Variants in STIMATE observed in about 807,000 individuals in gnomAD.
The protein encoded by STIMATE is store-operated calcium entry regulator STIMATE.
Under a neutral mutation model 36.7 loss-of-function variants are expected in STIMATE, and 15 were observed. The observed-to-expected ratio is 0.41, with a 90% CI of 0.27 to 0.63. STIMATE has a LOEUF of 0.63. Among genes scored for constraint, STIMATE ranks in the 20% least tolerant of loss-of-function variants. STIMATE has a pLI of 0.32. For missense variants in STIMATE, 305 were observed against 397.3 expected (o/e 0.77, Z 1.98); for synonymous variants, 163 against 162.3 (o/e 1.00, Z -0.03).
intron 1 of STIMATE, among the ~76,000 whole-genome samples, chr3:52,892,535 G>A (rs1701799855): frequency 6.6e-6 from 1 of 152,198 alleles, no homozygotes; most frequent in African/African-American, 2.4e-5. Flanking sequence ...CACTGATTGA[G>A]TTTGTGCTGG....
intron 7 of STIMATE, 31 bp downstream of exon 7, chr3:52,842,780 T>C: frequency 6.2e-7 from 1 of 1,613,634 alleles, no homozygotes; most frequent in Non-Finnish European, 8.5e-7. Context: ...ATACGACGGC[T>C]TGGGCCCTTG....
chr3:52,894,682 A>G (rs866510048), intron 1 of STIMATE, among the ~76,000 whole-genome samples: 2 of 152,214 alleles, frequency 1.3e-5, no homozygotes, highest in Admixed American at 6.5e-5. Context: ...AGTAAGGAAA[A>G]CTACCTCACA....
At chr3:52,885,445 T>TAAG (rs1701674269) in intron 1 of STIMATE, among the ~76,000 whole-genome samples, 1 of 152,206 alleles carries the variant, frequency 6.6e-6, no homozygotes, top group Non-Finnish European at 1.5e-5. Flanking sequence ...AACCTAATAT[T>TAAG]AAGGCATGAT....
chr3:52,852,826 GGGCCT>G, intron 2 of STIMATE, 128 bp from the exon 3 acceptor site: 1 of 1,163,744 alleles, frequency 8.6e-7, no homozygotes, highest in African/African-American at 1.5e-5. Flanking sequence ...TCTCTTCCTG[GGGCCT>G]TGAGCACTAA....
chr3:52,850,160 C>T (rs1209315630), intron 3 of STIMATE, among the ~76,000 whole-genome samples: 9 of 152,346 alleles, frequency 5.9e-5, no homozygotes, highest in African/African-American at 1.4e-4. Flanking sequence ...TGGCTGCGCG[C>T]GGTGGCTCAC....
intron 2 of STIMATE, among the ~76,000 whole-genome samples, chr3:52,853,493 T>C (rs541171358): frequency 8.5e-5 from 13 of 152,332 alleles, no homozygotes; most frequent in African/African-American, 2.9e-4. Flanking sequence ...TGGTCATGGC[T>C]GTCTCTCACA....
intron 1 of STIMATE, among the ~76,000 whole-genome samples, chr3:52,863,984 C>A (rs187650117): frequency 6.6e-6 from 1 of 152,232 alleles, no homozygotes; most frequent in East Asian, 1.9e-4. Context: ...TGCTTTGATG[C>A]GCTGGCGTTG....
chr3:52,858,835 C>G (rs1055441634), intron 1 of STIMATE, among the ~76,000 whole-genome samples: 1 of 152,088 alleles, frequency 6.6e-6, no homozygotes, highest in African/African-American at 2.4e-5. Context: ...ACAGTACATA[C>G]GTTCAATACA....
At chr3:52,848,862 G>A (rs1312839447) in intron 4 of STIMATE, among the ~76,000 whole-genome samples, 1 of 152,190 alleles carries the variant, frequency 6.6e-6, no homozygotes, top group Non-Finnish European at 1.5e-5. Context: ...GACTCATCAG[G>A]CATCAAGTAC....
Position 52,839,523 on chromosome 3 carries a change from C to G in STIMATE, c.*971G>C, listed in dbSNP as rs1231915772. 6.6e-6 allele frequency: 1 copy of G among 152,230 alleles called. No individual in the cohort carries two copies. The highest frequency in any genetic ancestry group is 1.5e-5 in the Non-Finnish European group (1 of 68,050). 9.4% of individuals were successfully genotyped at this position (152,230 alleles called of 1,614,324 possible). On this transcript the variant is annotated 3_prime_UTR_variant, in exon 8 of 8. Transcript: ENST00000355083. ...TCTTGGTCAAATTTAACTAAGATCT[C>G]TAATCTGCCAGCAGGAATGCTAGAG...
intron 1 of STIMATE, among the ~76,000 whole-genome samples, chr3:52,892,045 C>A (rs946160138): frequency 6.6e-6 from 1 of 152,210 alleles, no homozygotes; most frequent in Non-Finnish European, 1.5e-5. Flanking sequence ...GATGCTGGGT[C>A]AGGCTGGATC....
chr3:52,871,838 C>A (rs1701412999), intron 1 of STIMATE, among the ~76,000 whole-genome samples: 1 of 152,180 alleles, frequency 6.6e-6, no homozygotes, highest in Non-Finnish European at 1.5e-5. Flanking sequence ...AACACACAAA[C>A]ACAACCCCCC....
At chr3:52,859,301 C>T (rs1218392610) in intron 1 of STIMATE, among the ~76,000 whole-genome samples, 3 of 149,714 alleles carry the variant, frequency 2.0e-5, no homozygotes, top group Non-Finnish European at 4.4e-5. Flanking sequence ...TGTTCATGTC[C>T]ACTTTGAATG....
chr3:52,850,239 T>G (rs946364521), intron 3 of STIMATE, among the ~76,000 whole-genome samples: 1 of 152,188 alleles, frequency 6.6e-6, no homozygotes, highest in Non-Finnish European at 1.5e-5. Context: ...GACACCACCC[T>G]GGCTAACACG....
intron 1 of STIMATE, among the ~76,000 whole-genome samples, chr3:52,890,042 C>T (rs1701756841): frequency 6.6e-6 from 1 of 152,174 alleles, no homozygotes; most frequent in Admixed American, 6.5e-5. Context: ...CCCTCCATGT[C>T]GAGAGCCCTT....
rs985391329 is a variant in STIMATE at position 52,885,947 on chromosome 3, C to T, written c.160+11344G>A. 6.6e-5 allele frequency among the ~76,000 whole-genome samples: 10 copies of T among 152,290 alleles called. 1 individual carries two copies. Among genetic ancestry groups the T allele is most frequent in the Admixed American group, 3.3e-4 (5 of 15,296 alleles). ...TTTTGGCCTGTTTTCTGGTTGCTTA[C>T]AGAAGATGGGCAAGTTCTATATCTG... On this transcript the variant is annotated intron_variant, in intron 1 of 7. Transcript: ENST00000355083.
chr3:52,879,162 T>G (rs987946414), intron 1 of STIMATE, among the ~76,000 whole-genome samples: 2 of 152,210 alleles, frequency 1.3e-5, no homozygotes, highest in Non-Finnish European at 2.9e-5. Flanking sequence ...CCCAATGAAG[T>G]TGGCACCCAG....
intron 1 of STIMATE, among the ~76,000 whole-genome samples, chr3:52,868,405 T>C (rs368236524): frequency 9.2e-5 from 14 of 152,350 alleles, no homozygotes; most frequent in African/African-American, 3.4e-4. Context: ...AGGTGATTCT[T>C]ATGGCAGGGA....
chr3:52,888,698 T>C (rs530696201), intron 1 of STIMATE, among the ~76,000 whole-genome samples: 1 of 152,268 alleles, frequency 6.6e-6, no homozygotes, highest in Admixed American at 6.5e-5. Flanking sequence ...GAAAAGCCCA[T>C]GGACTAGACA....
Sources: gnomAD v4.1 joint callset for allele counts (sites outside exome capture counted in the v4.1 genomes callset) on GRCh38, gnomAD v4.1.1 for gene constraint, MANE v1.5 for transcripts, NCBI Gene and HGNC (gene_info 2026-07-23, HGNC 2026-07-21) for gene names.